NIM1K: variants seen among roughly 807,000 people sequenced by gnomAD.
NIM1K encodes NIM1 serine/threonine protein kinase, also known as serine/threonine-protein kinase NIM1.
A neutral mutation model predicts 37.1 loss-of-function variants in NIM1K; 35 were observed. That is an observed-to-expected ratio of 0.94 (90% CI 0.72 to 1.25). The LOEUF (loss-of-function observed/expected upper bound fraction) is 1.25. Among genes scored for constraint, NIM1K ranks in the 50% most tolerant of loss-of-function variants. The pLI, the probability that NIM1K is intolerant of heterozygous loss-of-function variation, is 0.00. For missense variants in NIM1K, 564 were observed against 548.0 expected, an observed-to-expected ratio of 1.03 and a Z score of -0.29; for synonymous variants, 234 against 206.6, an observed-to-expected ratio of 1.13 and a Z score of -1.14.
chr5:43,276,223 T>C (rs1306333147), intron 2 of NIM1K, among the ~76,000 whole-genome samples: 1 of 152,162 alleles, frequency 6.6e-6, no homozygotes, highest in Non-Finnish European at 1.5e-5. Context: ...AAAAAAAGGT[T>C]TTATTAGCTC....
chr5:43,215,582 C>A (rs1454060354), intron 1 of NIM1K, among the ~76,000 whole-genome samples: 1 of 152,296 alleles, frequency 6.6e-6, no homozygotes, highest in East Asian at 1.9e-4. Context: ...CATAGGCGTG[C>A]GCCACCACGC....
chr5:43,277,018 T>A, intron 2 of NIM1K, 39 bp from the exon 3 acceptor site: 1 of 1,604,778 alleles, frequency 6.2e-7, no homozygotes, highest in Non-Finnish European at 8.5e-7. Context: ...ACTATGCTCC[T>A]GTGAATTCTG....
chr5:43,213,478 C>T (rs1185893261), intron 1 of NIM1K, among the ~76,000 whole-genome samples: 7 of 150,702 alleles, frequency 4.6e-5, no homozygotes, highest in African/African-American at 1.7e-4. Flanking sequence ...TACCGGCATG[C>T]ACCACCACAT....
At chr5:43,237,839 T>C (rs757424565) in intron 1 of NIM1K, among the ~76,000 whole-genome samples, 3 of 152,166 alleles carry the variant, frequency 2.0e-5, no homozygotes, top group Non-Finnish European at 2.9e-5. Flanking sequence ...TTTTTCTCAC[T>C]GTACTGTTTT....
chr5:43,228,547 AGGTGC>A (rs1426382994), intron 1 of NIM1K, among the ~76,000 whole-genome samples: 3 of 152,006 alleles, frequency 2.0e-5, no homozygotes, highest in African/African-American at 7.2e-5. Flanking sequence ...TTTCCCAACC[AGGTGC>A]TGTGGCTCAC....
chr5:43,213,207 TTCTTTCTTTCTTTC>T lies in NIM1K; in HGVS notation c.-695+20798_-695+20811del, dbSNP rs1561074841. On this transcript the variant is annotated intron_variant, in intron 1 of 3. Transcript: ENST00000326035. Reference sequence around the variant, plus strand: ...TTTCTTTCTTTCTTTCTTTCTTTCTTTCTTTCTTTCTTTCTTTCCTTCTTTTCTTCCTTTCTTTC... The same window carrying T: ...TTTCTTTCTTTCTTTCTTTCTTTCTTTTTCCTTCTTTTCTTCCTTTCTTTC... Among the ~76,000 whole-genome samples, 339 of 55,506 alleles carry T rather than the reference TTCTTTCTTTCTTTC, an allele frequency of 6.1e-3. 11 individuals are homozygous for T. The highest frequency in any genetic ancestry group is 0.013 in the African/African-American group (222 of 16,518). 36.4% of individuals were successfully genotyped at this position (55,506 alleles called of 152,430 possible).
At chr5:43,261,815 A>G (rs914669030) in intron 2 of NIM1K, among the ~76,000 whole-genome samples, 1 of 152,110 alleles carries the variant, frequency 6.6e-6, no homozygotes, top group Non-Finnish European at 1.5e-5. Context: ...TCCAGTTTCC[A>G]CTTTCTACAT....
chr5:43,256,784 A>C (rs1752953391), intron 2 of NIM1K, among the ~76,000 whole-genome samples: 1 of 151,998 alleles, frequency 6.6e-6, no homozygotes, highest in Admixed American at 6.6e-5. Context: ...CAGTTCTCTC[A>C]CTCTCCTAAT....
chr5:43,215,421 C>T (rs1279547237), intron 1 of NIM1K, among the ~76,000 whole-genome samples: 1 of 152,092 alleles, frequency 6.6e-6, no homozygotes. Context: ...AAAGGCTTAG[C>T]CAGCAAAAGG....
At chr5:43,238,371 T>C (rs1752651303) in intron 1 of NIM1K, among the ~76,000 whole-genome samples, 1 of 151,982 alleles carries the variant, frequency 6.6e-6, no homozygotes, top group Non-Finnish European at 1.5e-5. Context: ...CCAAGACAGC[T>C]CTTTCTTGTT....
At chr5:43,208,375 C>T (rs2330089) in intron 1 of NIM1K, among the ~76,000 whole-genome samples, 51,598 of 151,910 alleles carry the variant, frequency 0.34, 9,287 homozygotes, top group East Asian at 0.67. Context: ...GAGGCCGACG[C>T]GGGCAGATCA....
chr5:43,192,673 CGT>C (rs1158843178), intron 1 of NIM1K, among the ~76,000 whole-genome samples: 1 of 152,060 alleles, frequency 6.6e-6, no homozygotes, highest in Non-Finnish European at 1.5e-5. Context: ...CGTGCTCGCG[CGT>C]GTGTGCCCGT....
At chr5:43,265,983 G>C (rs1189873645) in intron 2 of NIM1K, among the ~76,000 whole-genome samples, 1 of 152,206 alleles carries the variant, frequency 6.6e-6, no homozygotes, top group Non-Finnish European at 1.5e-5. Flanking sequence ...CCTTCCTCTG[G>C]AAGCTTCATC....
chr5:43,231,930 C>T (rs1025042439), intron 1 of NIM1K: 6 of 952,924 alleles, frequency 6.3e-6, no homozygotes, highest in South Asian at 2.6e-5. Flanking sequence ...TCCTTCCTCC[C>T]TTCTCTCACC....
At chr5:43,215,193 T>C (rs1325177785) in intron 1 of NIM1K, among the ~76,000 whole-genome samples, 1 of 152,176 alleles carries the variant, frequency 6.6e-6, no homozygotes, top group Non-Finnish European at 1.5e-5. Context: ...TATGGAACAG[T>C]GTGTAATTCT....
chr5:43,218,001 C>T (rs1221104657), intron 1 of NIM1K, among the ~76,000 whole-genome samples: 3 of 151,690 alleles, frequency 2.0e-5, no homozygotes, highest in Non-Finnish European at 4.4e-5. Context: ...CGTGAGCCTC[C>T]GTGCCCAGAC....
chr5:43,263,007 G>T (rs1187565201), intron 2 of NIM1K, among the ~76,000 whole-genome samples: 1 of 152,170 alleles, frequency 6.6e-6, no homozygotes, highest in Non-Finnish European at 1.5e-5. Context: ...GCTGGATTCA[G>T]TTTGCCAGTA....
intron 2 of NIM1K, among the ~76,000 whole-genome samples, chr5:43,262,197 G>A (rs1029317290): frequency 2.6e-5 from 4 of 152,106 alleles, no homozygotes. Flanking sequence ...AATTACCTTG[G>A]GCAGAATGAC....
intron 2 of NIM1K, among the ~76,000 whole-genome samples, chr5:43,247,471 C>G (rs1312530115): frequency 6.6e-6 from 1 of 152,214 alleles, no homozygotes; most frequent in Non-Finnish European, 1.5e-5. Flanking sequence ...TTCATTCCTG[C>G]CCATCCCAAT....
Sources: gnomAD v4.1 joint callset for allele counts (sites outside exome capture counted in the v4.1 genomes callset) on GRCh38, gnomAD v4.1.1 for gene constraint, MANE v1.5 for transcripts, NCBI Gene and HGNC (gene_info 2026-07-23, HGNC 2026-07-21) for gene names.